Variants in ERC2 observed in about 807,000 individuals in gnomAD.
ERC2 encodes ERC protein 2.
Under a neutral mutation model 114.8 loss-of-function variants are expected in ERC2, and 42 were observed. The ratio of observed to expected loss-of-function variants is 0.37; its 90% CI spans 0.29 to 0.47. ERC2 has a LOEUF of 0.47. ERC2 is among the 20% of genes least tolerant of loss of function. The pLI, the probability that ERC2 is intolerant of heterozygous loss-of-function variation, is 0.99. For synonymous variants in ERC2, 454 were observed against 425.5 expected (o/e 1.07, Z -0.82); for missense variants, 939 against 1,150.7 (o/e 0.82, Z 2.66).
At position 56,099,237 on chromosome 3, in the gene ERC2, T is replaced by C. The variant is rs559233588; in HGVS notation, c.1474-18253A>G. ...TTAGAGCCTCTGTGGGGTGTGCAGA[T>C]TTTGCAACACCTTGATTTCTGATTT... On this transcript the variant is annotated intron_variant, in intron 6 of 17. Coordinates refer to ENST00000288221, the MANE Select transcript of ERC2 (RefSeq NM_015576.3). Among the ~76,000 whole-genome samples, 9 of 152,252 alleles carry C rather than the reference T, an allele frequency of 5.9e-5. No homozygotes were observed. In the South Asian group the frequency reaches 1.2e-3, roughly 21 times the overall value.
chr3:55,845,851 T>C (rs977653963), intron 14 of ERC2, among the ~76,000 whole-genome samples: 2 of 152,196 alleles, frequency 1.3e-5, no homozygotes, highest in Non-Finnish European at 2.9e-5. Flanking sequence ...GTTGTGCAAA[T>C]AGAGCAAGCA....
chr3:56,182,556 C>T (rs2083345932), intron 3 of ERC2, among the ~76,000 whole-genome samples: 1 of 152,300 alleles, frequency 6.6e-6, no homozygotes, highest in Admixed American at 6.5e-5. Context: ...CCAAAATAAC[C>T]TCCCTAAGTA....
At chr3:55,518,512 G>A (rs1192465498) in intron 17 of ERC2, among the ~76,000 whole-genome samples, 1 of 152,210 alleles carries the variant, frequency 6.6e-6, no homozygotes, top group African/African-American at 2.4e-5. Context: ...TAAGTGAAAA[G>A]GTGAAATCTA....
chr3:55,753,639 GAA>G (rs1259828520), intron 14 of ERC2, among the ~76,000 whole-genome samples: 1 of 152,194 alleles, frequency 6.6e-6, no homozygotes, highest in Non-Finnish European at 1.5e-5. Context: ...TCACCAGTCC[GAA>G]TGGCTAATGG....
chr3:55,729,096 G>C (rs1426470285), intron 15 of ERC2, among the ~76,000 whole-genome samples: 5 of 152,190 alleles, frequency 3.3e-5, no homozygotes, highest in African/African-American at 2.4e-5. Flanking sequence ...AGGCTGCAGA[G>C]CTAGTGTATT....
At chr3:55,795,433 C>T (rs1375843500) in intron 14 of ERC2, among the ~76,000 whole-genome samples, 7 of 152,148 alleles carry the variant, frequency 4.6e-5, no homozygotes, top group Non-Finnish European at 8.8e-5. Flanking sequence ...CACTGGGATC[C>T]TGCTGTCATA....
At chr3:55,733,115 A>C (rs2065361913) in intron 15 of ERC2, among the ~76,000 whole-genome samples, 1 of 152,152 alleles carries the variant, frequency 6.6e-6, no homozygotes, top group Non-Finnish European at 1.5e-5. Context: ...AGGTCTATAA[A>C]CCTGTGGGAG....
At chr3:55,849,704 A>C (rs903759773) in intron 14 of ERC2, among the ~76,000 whole-genome samples, 2 of 152,194 alleles carry the variant, frequency 1.3e-5, no homozygotes, top group African/African-American at 4.8e-5. Context: ...TTGAGGGAAA[A>C]ATAGTCCAAA....
chr3:55,894,966 T>A (rs114180480), intron 13 of ERC2, among the ~76,000 whole-genome samples: 6 of 152,282 alleles, frequency 3.9e-5, no homozygotes, highest in African/African-American at 1.2e-4. Flanking sequence ...CAACCACACA[T>A]ACACATGCAC....
Position 55,978,520 on chromosome 3 carries a change from C to T in ERC2, c.2267+7457G>A, listed in dbSNP as rs941407710. ...CAACGGAGGCAGCCGGCTTCTCTCT[C>T]GTATCAACTCCCTACTCTCACCTGT... On this transcript the variant is annotated intron_variant, in intron 12 of 17. Coordinates refer to ENST00000288221, the MANE Select transcript of ERC2 (RefSeq NM_015576.3). Among the ~76,000 whole-genome samples, 7 of 152,178 alleles carry T rather than the reference C, an allele frequency of 4.6e-5. No homozygotes were observed. In the East Asian group the frequency reaches 9.6e-4, roughly 21 times the overall value.
intron 17 of ERC2, among the ~76,000 whole-genome samples, chr3:55,532,991 G>C (rs1448571756): frequency 6.6e-6 from 1 of 152,200 alleles, no homozygotes; most frequent in Non-Finnish European, 1.5e-5. Context: ...TCTGGTGAGG[G>C]CCCTTGGCCC....
At chr3:55,593,130 G>A (rs544737371) in intron 17 of ERC2, among the ~76,000 whole-genome samples, 1 of 152,324 alleles carries the variant, frequency 6.6e-6, no homozygotes, top group East Asian at 1.9e-4. Context: ...TACACGCTAG[G>A]CCCTTGACTC....
intron 3 of ERC2, among the ~76,000 whole-genome samples, chr3:56,272,112 C>T (rs17825368): frequency 0.35 from 52,942 of 151,978 alleles, 10,128 homozygotes; most frequent in Middle Eastern, 0.44. Flanking sequence ...TAACAATTAA[C>T]GCTCACACTT....
intron 3 of ERC2, among the ~76,000 whole-genome samples, chr3:56,230,827 T>A (rs1310777433): frequency 6.6e-6 from 1 of 152,222 alleles, no homozygotes; most frequent in Non-Finnish European, 1.5e-5. Flanking sequence ...CATTCACATG[T>A]TCTTTGCCAC....
At chr3:55,941,317 G>A (rs941014841) in intron 13 of ERC2, among the ~76,000 whole-genome samples, 2 of 152,192 alleles carry the variant, frequency 1.3e-5, no homozygotes, top group South Asian at 2.1e-4. Context: ...GCCCCTTCAG[G>A]ACCAAGACAG....
At chr3:55,516,436 T>C (rs1184751608) in intron 17 of ERC2, among the ~76,000 whole-genome samples, 1 of 151,672 alleles carries the variant, frequency 6.6e-6, no homozygotes, top group African/African-American at 2.4e-5. Context: ...CTTGAAACCA[T>C]AATTCAAAAA....
At chr3:56,206,944 A>G (rs1159874387) in intron 3 of ERC2, among the ~76,000 whole-genome samples, 1 of 152,220 alleles carries the variant, frequency 6.6e-6, no homozygotes, top group East Asian at 1.9e-4. Context: ...ACTGCAATAT[A>G]TAATTTCTCC....
chr3:56,048,439 C>T (rs1412870654), intron 7 of ERC2, among the ~76,000 whole-genome samples: 3 of 152,192 alleles, frequency 2.0e-5, no homozygotes, highest in African/African-American at 7.2e-5. Context: ...GTCATCTGCC[C>T]ACTACTTTAA....
At chr3:56,128,800 G>A (rs1162013909) in intron 6 of ERC2, among the ~76,000 whole-genome samples, 1 of 152,076 alleles carries the variant, frequency 6.6e-6, no homozygotes, top group African/African-American at 2.4e-5. Context: ...TGCTGGGGCT[G>A]GGCAAAGGAG....
Sources: gnomAD v4.1 joint callset for allele counts (sites outside exome capture counted in the v4.1 genomes callset) on GRCh38, gnomAD v4.1.1 for gene constraint, MANE v1.5 for transcripts, NCBI Gene and HGNC (gene_info 2026-07-23, HGNC 2026-07-21) for gene names.